PLCB1: variants seen among roughly 807,000 people sequenced by gnomAD.
PLCB1 encodes 1-phosphatidylinositol 4,5-bisphosphate phosphodiesterase beta-1.
In PLCB1, 46 loss-of-function variants were observed where a neutral mutation model predicts 161.8. That is an observed-to-expected ratio of 0.28 (90% CI 0.22 to 0.36). PLCB1 has a LOEUF of 0.36. Among genes scored for constraint, PLCB1 ranks in the 10% least tolerant of loss-of-function variants. The pLI is 1.00. For synonymous variants in PLCB1, 517 were observed against 503.7 expected (o/e 1.03, Z -0.35); for missense variants, 1,016 against 1,472.5 (o/e 0.69, Z 5.07).
At chr20:8,681,514 T>G (rs1990220741) in intron 9 of PLCB1, among the ~76,000 whole-genome samples, 1 of 152,218 alleles carries the variant, frequency 6.6e-6, no homozygotes, top group Non-Finnish European at 1.5e-5. Context: ...TTCTTGTTCT[T>G]CTTTCATGTT....
At chr20:8,203,872 C>T (rs903179073) in intron 2 of PLCB1, among the ~76,000 whole-genome samples, 20 of 152,242 alleles carry the variant, frequency 1.3e-4, no homozygotes, top group African/African-American at 4.8e-4. Flanking sequence ...CTTCCAGAAT[C>T]CCCTGCAGGA....
chr20:8,172,621 T>A (rs1177722942), intron 2 of PLCB1, among the ~76,000 whole-genome samples: 2 of 152,200 alleles, frequency 1.3e-5, no homozygotes, highest in Admixed American at 1.3e-4. Flanking sequence ...TAAATACAGA[T>A]GTGATGTGAT....
At chr20:8,640,877 G>A (rs952332351) in intron 4 of PLCB1, among the ~76,000 whole-genome samples, 17 of 152,080 alleles carry the variant, frequency 1.1e-4, no homozygotes, top group Non-Finnish European at 1.6e-4. Context: ...AATTTTTCCC[G>A]TGGAAGAATT....
chr20:8,870,781 C>A (rs181623274), intron 31 of PLCB1, among the ~76,000 whole-genome samples: 1 of 152,298 alleles, frequency 6.6e-6, no homozygotes, highest in East Asian at 1.9e-4. Context: ...GAATCTAAAT[C>A]TGAGCATTAG....
At position 8,697,606 on chromosome 20, in the gene PLCB1, G is replaced by T; in HGVS notation, c.1010-20G>T. The T allele has an allele frequency of 6.2e-7, 1 of 1,613,590 alleles. No individual in the cohort carries two copies. The highest frequency in any genetic ancestry group is 1.1e-5 in the South Asian group (1 of 91,018). ...CTTGCTTCATGGGAATCTGGGGTTT[G>T]TTTTGTTGGTGTTTTATAGCTGGCC... On this transcript the variant is annotated intron_variant, in intron 10 of 31. Coordinates refer to ENST00000338037, the MANE Select transcript of PLCB1 (RefSeq NM_015192.4).
intron 11 of PLCB1, among the ~76,000 whole-genome samples, chr20:8,702,985 A>G (rs1420716070): frequency 2.0e-5 from 3 of 152,146 alleles, no homozygotes; most frequent in African/African-American, 7.2e-5. Context: ...AGCTAAAGTT[A>G]TGGTAGAGAT....
intron 2 of PLCB1, among the ~76,000 whole-genome samples, chr20:8,362,522 T>A (rs1986575218): frequency 6.6e-6 from 1 of 152,240 alleles, no homozygotes; most frequent in African/African-American, 2.4e-5. Context: ...CGTGGTGCTA[T>A]ACATATAATT....
intron 2 of PLCB1, among the ~76,000 whole-genome samples, chr20:8,151,599 C>T (rs1459289136): frequency 1.3e-5 from 2 of 152,126 alleles, no homozygotes; most frequent in Admixed American, 6.6e-5. Flanking sequence ...GTGTGTTAAT[C>T]GCTTTGGCTT....
chr20:8,368,606 T>A (rs1350729354), intron 2 of PLCB1, among the ~76,000 whole-genome samples: 10 of 151,324 alleles, frequency 6.6e-5, no homozygotes, highest in Admixed American at 4.6e-4. Context: ...ATACTGTGTG[T>A]GAGAGATATA....
At chr20:8,300,539 T>G (rs192771594) in intron 2 of PLCB1, among the ~76,000 whole-genome samples, 3 of 151,014 alleles carry the variant, frequency 2.0e-5, no homozygotes, top group South Asian at 2.1e-4. Flanking sequence ...TTGGAAGTGG[T>G]TTTTTTTTAT....
rs182549532 is a variant in PLCB1 at position 8,631,444 on chromosome 20, G to T, written c.384+3013G>T. Among the ~76,000 whole-genome samples, 24 of 152,242 alleles carry T rather than the reference G, an allele frequency of 1.6e-4. No individual in the cohort carries two copies. The East Asian group carries it at 1.9e-3, about 12-fold the overall frequency. ...AGTAAGACTTGGGAGCTTCCATTTGGCAGCTTTTTGGTCTAGATTCACATT... is the reference window on the plus strand; with the variant it reads ...AGTAAGACTTGGGAGCTTCCATTTGTCAGCTTTTTGGTCTAGATTCACATT... On this transcript the variant is annotated intron_variant, in intron 4 of 31. Transcript: ENST00000338037.
chr20:8,398,916 G>C (rs1005114873), intron 3 of PLCB1, among the ~76,000 whole-genome samples: 4 of 151,542 alleles, frequency 2.6e-5, no homozygotes, highest in African/African-American at 9.7e-5. Flanking sequence ...TTTGCTTTTG[G>C]TGTTTTTTTG....
At chr20:8,354,004 A>G (rs1375233532) in intron 2 of PLCB1, among the ~76,000 whole-genome samples, 1 of 151,506 alleles carries the variant, frequency 6.6e-6, no homozygotes, top group South Asian at 2.1e-4. Flanking sequence ...ATTATTCTAG[A>G]ATAGAAGGCT....
chr20:8,861,728 C>A (rs1449990417), intron 31 of PLCB1, among the ~76,000 whole-genome samples: 263 of 107,986 alleles, frequency 2.4e-3, no homozygotes, highest in Middle Eastern at 5.4e-3. Context: ...GACTCTACCT[C>A]AAAAAAAAAA....
intron 2 of PLCB1, among the ~76,000 whole-genome samples, chr20:8,191,107 T>G (rs2123108795): frequency 6.6e-6 from 1 of 152,154 alleles, no homozygotes; most frequent in African/African-American, 2.4e-5. Flanking sequence ...TTTGTAACTT[T>G]TACTTTTGAC....
intron 9 of PLCB1, among the ~76,000 whole-genome samples, chr20:8,674,712 G>A (rs767820768): frequency 5.9e-5 from 9 of 152,088 alleles, no homozygotes; most frequent in African/African-American, 2.2e-4. Context: ...GCTTGTCTGC[G>A]GTTTCTCCTA....
At chr20:8,554,172 T>C (rs1226731377) in intron 3 of PLCB1, among the ~76,000 whole-genome samples, 1 of 152,052 alleles carries the variant, frequency 6.6e-6, no homozygotes, top group Non-Finnish European at 1.5e-5. Flanking sequence ...ATGGTACAAC[T>C]ACTTTGGAAA....
intron 2 of PLCB1, among the ~76,000 whole-genome samples, chr20:8,256,402 C>G (rs932617206): frequency 6.6e-6 from 1 of 152,038 alleles, no homozygotes; most frequent in African/African-American, 2.4e-5. Flanking sequence ...TTCTCCTCTA[C>G]CCTGGTCCTC....
At chr20:8,622,599 T>C (rs956097342) in intron 3 of PLCB1, among the ~76,000 whole-genome samples, 1 of 152,192 alleles carries the variant, frequency 6.6e-6, no homozygotes, top group Non-Finnish European at 1.5e-5. Context: ...GTGTTCTTCA[T>C]TCTGTCTCCA....
Sources: allele counts gnomAD v4.1 joint callset (sites outside exome capture counted in the v4.1 genomes callset), GRCh38; gene constraint gnomAD v4.1.1; transcripts MANE v1.5; gene names NCBI Gene and HGNC (gene_info 2026-07-23, HGNC 2026-07-21).